Variants in EPB41L2 observed in about 807,000 individuals in gnomAD.
The protein encoded by EPB41L2 is band 4.1-like protein 2.
A neutral mutation model predicts 113.0 loss-of-function variants in EPB41L2; 43 were observed. That is an observed-to-expected ratio of 0.38 (90% CI 0.30 to 0.49). The LOEUF is 0.49. EPB41L2 is among the 20% of genes least tolerant of loss of function. EPB41L2 has a pLI of 0.95. For missense variants in EPB41L2, 1,147 were observed against 1,223.4 expected, an observed-to-expected ratio of 0.94 and a Z score of 0.93; for synonymous variants, 442 against 436.7, an observed-to-expected ratio of 1.01 and a Z score of -0.15.
rs886205942 is a variant in EPB41L2, at chr6:130,878,012, G to T, written c.2043+92C>A. Reference sequence around the variant, plus strand: ...AAAAATAATTAAATGGGAACATTTTGTAACTTCCCTAGACTCAACATAGAG... The same window carrying T: ...AAAAATAATTAAATGGGAACATTTTTTAACTTCCCTAGACTCAACATAGAG... On this transcript the variant is annotated intron_variant, in intron 14 of 19. Coordinates refer to ENST00000337057, the MANE Select transcript of EPB41L2 (RefSeq NM_001431.4). The T allele has an allele frequency of 4.0e-6, 5 of 1,263,278 alleles. No homozygotes were observed. The African/African-American group carries it at 7.7e-5, about 20-fold the overall frequency. The allele number at this position is 1,263,278 out of a possible 1,614,324, so 78.3% of individuals were successfully genotyped here.
At chr6:130,878,300 C>A (rs749087237) in intron 13 of EPB41L2, 50 bp from the exon 14 acceptor site, 30 of 1,547,396 alleles carry the variant, frequency 1.9e-5, no homozygotes, top group Non-Finnish European at 2.4e-5. Flanking sequence ...AAGGAAAAAA[C>A]CCAGTAGGAC....
intron 1 of EPB41L2, among the ~76,000 whole-genome samples, chr6:131,038,554 T>C (rs1793806356): frequency 6.6e-6 from 1 of 152,184 alleles, no homozygotes. Flanking sequence ...TCTTGTAAAG[T>C]TATTTCACAA....
chr6:130,981,990 G>A (rs965699768), intron 1 of EPB41L2, among the ~76,000 whole-genome samples: 1 of 151,542 alleles, frequency 6.6e-6, no homozygotes, highest in East Asian at 1.9e-4. Flanking sequence ...AAACTACTAA[G>A]GAATAATAGT....
At chr6:131,010,499 G>A (rs1040933383) in intron 1 of EPB41L2, among the ~76,000 whole-genome samples, 2 of 149,780 alleles carry the variant, frequency 1.3e-5, no homozygotes, top group African/African-American at 2.5e-5. Context: ...TGCAACCTCT[G>A]CCTCCTGGGT....
At chr6:130,947,743 G>A (rs965888763) in intron 3 of EPB41L2, among the ~76,000 whole-genome samples, 1 of 152,140 alleles carries the variant, frequency 6.6e-6, no homozygotes, top group African/African-American at 2.4e-5. Flanking sequence ...CACTCCTGAG[G>A]AGGAAACAAG....
At chr6:131,053,450 A>AG (rs1440439082) in intron 1 of EPB41L2, among the ~76,000 whole-genome samples, 1 of 151,088 alleles carries the variant, frequency 6.6e-6, no homozygotes, top group East Asian at 1.9e-4. Context: ...AAAAAAAAAA[A>AG]AAAAAAAAAG....
intron 4 of EPB41L2, among the ~76,000 whole-genome samples, chr6:130,915,056 C>T (rs1270552409): frequency 6.6e-6 from 1 of 152,056 alleles, no homozygotes; most frequent in South Asian, 2.1e-4. Flanking sequence ...GTAATCCCAG[C>T]ACTTTGGGAG....
chr6:130,993,069 C>T (rs770989975), intron 1 of EPB41L2, among the ~76,000 whole-genome samples: 14 of 152,170 alleles, frequency 9.2e-5, no homozygotes, highest in Non-Finnish European at 1.5e-4. Flanking sequence ...CCAAAGATAG[C>T]TCCTTAAATC....
At chr6:130,869,129 T>C (rs574943904) in intron 15 of EPB41L2, among the ~76,000 whole-genome samples, 1 of 152,072 alleles carries the variant, frequency 6.6e-6, no homozygotes, top group African/African-American at 2.4e-5. Context: ...AACCCAATCA[T>C]GACATCAGGG....
chr6:130,999,032 A>T (rs1001863816), intron 1 of EPB41L2, among the ~76,000 whole-genome samples: 3 of 152,148 alleles, frequency 2.0e-5, no homozygotes, highest in Non-Finnish European at 4.4e-5. Context: ...TCCAGGCTCA[A>T]TCCTCAAGCC....
rs1440340413 is a variant in EPB41L2 at position 130,904,543 on chromosome 6, G to A, written c.854-3C>T. The A allele has an allele frequency of 6.3e-7, 1 of 1,584,744 alleles. No individual in the cohort carries two copies. Among genetic ancestry groups the A allele is most frequent in the Non-Finnish European group, 8.6e-7 (1 of 1,158,458 alleles). On this transcript the variant is annotated splice_polypyrimidine_tract_variant and splice_region_variant and intron_variant, in intron 5 of 19. Coordinates refer to ENST00000337057, the MANE Select transcript of EPB41L2 (RefSeq NM_001431.4). Reference sequence around the variant, plus strand: ...AAAAGTGAATAGCCATGGAAGGTCTGTAATTATTAAATATCACAGTTATGC... The same window carrying A: ...AAAAGTGAATAGCCATGGAAGGTCTATAATTATTAAATATCACAGTTATGC...
chr6:130,874,917 A>G (rs945337769), intron 14 of EPB41L2, among the ~76,000 whole-genome samples: 2 of 152,236 alleles, frequency 1.3e-5, no homozygotes, highest in Non-Finnish European at 2.9e-5. Context: ...GAATGATACC[A>G]TGTGATTGCT....
intron 4 of EPB41L2, among the ~76,000 whole-genome samples, chr6:130,914,935 G>T (rs926612802): frequency 6.6e-6 from 1 of 152,082 alleles, no homozygotes; most frequent in Non-Finnish European, 1.5e-5. Flanking sequence ...AATAATAAAA[G>T]TTATAAGGAA....
chr6:130,871,846 A>G (rs1380004728), intron 14 of EPB41L2, among the ~76,000 whole-genome samples: 2 of 152,174 alleles, frequency 1.3e-5, no homozygotes, highest in Non-Finnish European at 2.9e-5. Context: ...CACACATTTC[A>G]TTATTATTAT....
intron 11 of EPB41L2, 106 bp from the exon 12 acceptor site, chr6:130,885,374 A>C (rs1490153386): frequency 6.9e-6 from 7 of 1,017,738 alleles, no homozygotes; most frequent in Non-Finnish European, 1.0e-5. Context: ...TAAATAGTGA[A>C]CAGGAACAGA....
intron 3 of EPB41L2, among the ~76,000 whole-genome samples, chr6:130,935,289 CATAGATA>C (rs1228252348): frequency 6.6e-6 from 1 of 152,188 alleles, no homozygotes; most frequent in Non-Finnish European, 1.5e-5. Flanking sequence ...AATAAAATCA[CATAGATA>C]CTTTGACTCC....
At position 131,062,075 on chromosome 6, in the gene EPB41L2, G is replaced by C. The variant is rs576827617; in HGVS notation, c.-15+1080C>G. On this transcript the variant is annotated intron_variant, in intron 1 of 19. Coordinates refer to ENST00000337057, the MANE Select transcript of EPB41L2 (RefSeq NM_001431.4). ...TAAAATTAAGGGCAGCTGTGGTGTT[G>C]ATGGGGCAATTCAATGAAAGACTAC... is the stretch of plus-strand genomic sequence containing the variant. Among the ~76,000 whole-genome samples, 29 of 152,168 alleles carry C rather than the reference G, an allele frequency of 1.9e-4. 1 individual carries two copies. The highest frequency in any genetic ancestry group is 7.0e-4 in the African/African-American group (29 of 41,508).
intron 8 of EPB41L2, 64 bp from the exon 9 acceptor site, chr6:130,895,183 A>C: frequency 6.6e-7 from 1 of 1,508,388 alleles, no homozygotes; most frequent in South Asian, 1.3e-5. Flanking sequence ...TCAAGAAGCT[A>C]ATTAGCTCCC....
At chr6:130,993,650 C>T (rs909539052) in intron 1 of EPB41L2, among the ~76,000 whole-genome samples, 1 of 152,106 alleles carries the variant, frequency 6.6e-6, no homozygotes, top group African/African-American at 2.4e-5. Context: ...GGCCAGCTCT[C>T]TTCCTGCTTC....
Sources: gnomAD v4.1 joint callset for allele counts (sites outside exome capture counted in the v4.1 genomes callset) on GRCh38, gnomAD v4.1.1 for gene constraint, MANE v1.5 for transcripts, NCBI Gene and HGNC (gene_info 2026-07-23, HGNC 2026-07-21) for gene names.